The following PAN3 variants were observed in gnomAD, a reference collection of about 807,000 sequenced individuals.
PAN3 encodes PAN2-PAN3 deadenylation complex subunit PAN3.
PAN3 carries 19 observed loss-of-function variants against 96.2 expected under a neutral mutation model. The ratio of observed to expected loss-of-function variants is 0.20; its 90% CI spans 0.14 to 0.29. PAN3 has a LOEUF of 0.29. Ranked by LOEUF, PAN3 falls within the 10% of genes least tolerant of loss-of-function variation. The probability of loss-of-function intolerance (pLI) is 1.00; values close to 1 mark genes in which losing one functional copy is unlikely to be tolerated. For missense variants in PAN3, 882 were observed against 1,108.1 expected, an observed-to-expected ratio of 0.80 and a Z score of 2.90; for synonymous variants, 433 against 406.6, an observed-to-expected ratio of 1.06 and a Z score of -0.78.
chr13:28,166,637 G>T (rs1215120098), intron 1 of PAN3, among the ~76,000 whole-genome samples: 2 of 152,180 alleles, frequency 1.3e-5, no homozygotes, highest in Non-Finnish European at 2.9e-5. Context: ...TGCCCCTTTG[G>T]CAGTTCTCTG....
At chr13:28,155,150 C>T (rs535016105) in intron 1 of PAN3, among the ~76,000 whole-genome samples, 26 of 151,954 alleles carry the variant, frequency 1.7e-4, no homozygotes, top group Admixed American at 1.7e-3. Context: ...TAACTTTCCT[C>T]CCTGGAGGTC....
chr13:28,216,034 A>G lies in PAN3; in HGVS notation c.853-4197A>G, dbSNP rs1593491475. ...TAACAATGCATCTTAAAACCTTCAG[A>G]AGGAAAGGAGAATGTTTTGTGAACT... On this transcript the variant is annotated intron_variant, in intron 5 of 18. Coordinates refer to ENST00000380958, the MANE Select transcript of PAN3 (RefSeq NM_175854.8). The G allele has an allele frequency of 9.2e-6, 5 of 544,426 alleles. No homozygotes were observed. The Admixed American group carries it at 1.5e-4, about 17-fold the overall frequency. 33.7% of individuals were successfully genotyped at this position (544,426 alleles called of 1,614,324 possible).
chr13:28,139,138 G>A (rs1869227943), intron 1 of PAN3, 51 bp downstream of exon 1: 2 of 1,260,790 alleles, frequency 1.6e-6, no homozygotes, highest in Admixed American at 8.4e-5. Context: ...GCAGGCCTGG[G>A]CCGGATGAGG....
intron 1 of PAN3, among the ~76,000 whole-genome samples, chr13:28,150,118 A>C (rs1055324935): frequency 6.6e-6 from 1 of 152,176 alleles, no homozygotes; most frequent in Admixed American, 6.6e-5. Flanking sequence ...ATCACGGTGA[A>C]GAAGGACAAA....
intron 6 of PAN3, among the ~76,000 whole-genome samples, chr13:28,248,731 T>G (rs1884444378): frequency 6.6e-6 from 1 of 152,120 alleles, no homozygotes; most frequent in African/African-American, 2.4e-5. Flanking sequence ...CCATGTTGTT[T>G]AGGCTGGTTT....
At chr13:28,214,652 G>A in intron 5 of PAN3, 1 of 435,478 alleles carries the variant, frequency 2.3e-6, no homozygotes, top group South Asian at 2.2e-5. Context: ...AAAGGAGGCT[G>A]CTGAGATGGG....
intron 6 of PAN3, among the ~76,000 whole-genome samples, chr13:28,237,164 A>T (rs896057971): frequency 6.1e-5 from 9 of 147,596 alleles, no homozygotes; most frequent in African/African-American, 2.3e-4. Context: ...AACATGGAAA[A>T]ATTAATGGAA....
At chr13:28,244,127 T>C (rs1883949333) in intron 6 of PAN3, among the ~76,000 whole-genome samples, 1 of 152,242 alleles carries the variant, frequency 6.6e-6, no homozygotes, top group African/African-American at 2.4e-5. Context: ...TTTCCACTGC[T>C]TGCTTTCTGT....
At chr13:28,238,723 T>A (rs1476487776) in intron 6 of PAN3, among the ~76,000 whole-genome samples, 1 of 152,236 alleles carries the variant, frequency 6.6e-6, no homozygotes, top group Non-Finnish European at 1.5e-5. Context: ...TCAGTCTAAT[T>A]CATACAAAAG....
Position 28,266,240 on chromosome 13 carries a change from G to T in PAN3, c.1412-475G>T, listed in dbSNP as rs569962831. Among the ~76,000 whole-genome samples the T allele has an allele frequency of 1.1e-4, 16 of 152,166 alleles. No homozygotes were observed. In the South Asian group the frequency reaches 3.3e-3, roughly 32 times the overall value. ...TGTACTACATGTTGGGTTATCTTCC[G>T]TTCACTTAAAATATCATGAGCATTC... On this transcript the variant is annotated intron_variant, in intron 9 of 18. Transcript: ENST00000380958.
chr13:28,212,819 G>A (rs1009292321), intron 5 of PAN3, among the ~76,000 whole-genome samples: 3 of 152,134 alleles, frequency 2.0e-5, no homozygotes, highest in African/African-American at 7.2e-5. Context: ...GTGAGCCATG[G>A]GATAACATCA....
intron 15 of PAN3, among the ~76,000 whole-genome samples, chr13:28,278,211 A>G (rs1887210370): frequency 6.6e-6 from 1 of 152,230 alleles, no homozygotes; most frequent in Non-Finnish European, 1.5e-5. Flanking sequence ...TGGGGGATGG[A>G]GGGTGGGATT....
intron 1 of PAN3, among the ~76,000 whole-genome samples, chr13:28,172,532 TAG>T (rs748846375): frequency 3.9e-5 from 6 of 152,180 alleles, no homozygotes; most frequent in African/African-American, 7.2e-5. Context: ...TTGATAAAAG[TAG>T]AGAGGATAGT....
At position 28,138,609 on chromosome 13, in the gene PAN3, C is replaced by CGGCGGCGGT. The variant is rs2137880568; in HGVS notation, c.-41_-40insTGGCGGCGG. 2 of 482,384 alleles carry CGGCGGCGGT rather than the reference C, an allele frequency of 4.1e-6. No individual in the cohort carries two copies. The highest frequency in any genetic ancestry group is 3.6e-6 in the Non-Finnish European group (1 of 281,152). The allele number at this position is 482,384 out of a possible 1,614,324, so 29.9% of individuals were successfully genotyped here. On this transcript the variant is annotated 5_prime_UTR_variant, in exon 1 of 19. Transcript: ENST00000380958. ...TTTCCTCCCCCGTCTATGGTGGTGG[C>CGGCGGCGGT]GGCGGCGGCTCCTCGGGCGGCGGCG...
rs541716826 is a variant in PAN3 at position 28,188,309 on chromosome 13, G to A, written c.691-8876G>A. On this transcript the variant is annotated intron_variant, in intron 4 of 18. Coordinates refer to ENST00000380958, the MANE Select transcript of PAN3 (RefSeq NM_175854.8). Reference sequence around the variant, plus strand: ...CTTCTTTCTGTTCATTAAATATCCTGATACTTTAGCATATCTGCAATTATA... The same window carrying A: ...CTTCTTTCTGTTCATTAAATATCCTAATACTTTAGCATATCTGCAATTATA... Among the ~76,000 whole-genome samples the A allele has an allele frequency of 2.0e-5, 3 of 152,014 alleles. 1 individual carries two copies. The South Asian group carries it at 6.2e-4, about 32-fold the overall frequency.
intron 5 of PAN3, 145 bp from the exon 6 acceptor site, chr13:28,220,086 C>T: frequency 1.3e-6 from 1 of 755,598 alleles, no homozygotes. Flanking sequence ...TATGACACAC[C>T]AAAATATGGA....
Position 28,177,875 on chromosome 13 carries a change from A to G in PAN3, c.630A>G (p.Thr210=). 1.2e-6 allele frequency: 2 copies of G among 1,613,020 alleles called. No homozygotes were observed. The highest frequency in any genetic ancestry group is 1.7e-6 in the Non-Finnish European group (2 of 1,179,220). Reference sequence around the variant, plus strand: ...TAACTTACCTTTCAGATCCTCTAACATCACCTGCTTCATCCTTGTTTAATG... The same window carrying G: ...TAACTTACCTTTCAGATCCTCTAACGTCACCTGCTTCATCCTTGTTTAATG... The part of the protein sequence containing the change: ...AKPYSAHDPL[T]SPASSLFNDF... Residue 210 remains threonine, a synonymous_variant, in exon 4 of 19, where the codon ACA becomes ACG. Coordinates refer to ENST00000380958, the MANE Select transcript of PAN3 (RefSeq NM_175854.8).
At chr13:28,215,674 A>G (rs1880659606) in intron 5 of PAN3, 2 of 1,474,076 alleles carry the variant, frequency 1.4e-6, no homozygotes, top group African/African-American at 1.4e-5. Flanking sequence ...AAGCTGGAAG[A>G]TGGCCCTAAA....
chr13:28,197,210 T>G lies in PAN3; in HGVS notation c.716T>G (p.Leu239Arg). 1 of 1,613,310 alleles carries G rather than the reference T, an allele frequency of 6.2e-7. No individual in the cohort carries two copies. The highest frequency in any genetic ancestry group is 8.5e-7 in the Non-Finnish European group (1 of 1,179,600). The change falls in exon 5 of 19, where the codon CTG (leucine) becomes CGG (arginine). Residue 239 changes from leucine to arginine, a missense_variant. Coordinates refer to ENST00000380958, the MANE Select transcript of PAN3 (RefSeq NM_175854.8). ...RKPRKYRLGM[L>R]EERLVPMGSK... Reference sequence around the variant, plus strand: ...CCAAGGAAGTATCGCCTGGGGATGCTGGAGGAGAGGCTAGTTCCGATGGGA... The same window carrying G: ...CCAAGGAAGTATCGCCTGGGGATGCGGGAGGAGAGGCTAGTTCCGATGGGA...
Sources: gnomAD v4.1 joint callset for allele counts (sites outside exome capture counted in the v4.1 genomes callset) on GRCh38, gnomAD v4.1.1 for gene constraint, MANE v1.5 for transcripts, NCBI Gene and HGNC (gene_info 2026-07-23, HGNC 2026-07-21) for gene names.